FSIP1: variants seen among roughly 807,000 people sequenced by gnomAD.
FSIP1 encodes fibrous sheath-interacting protein 1.
FSIP1 carries 65 observed loss-of-function variants against 60.9 expected under a neutral mutation model. The ratio of observed to expected loss-of-function variants is 1.07; its 90% confidence interval spans 0.87 to 1.31. The LOEUF is 1.31. FSIP1 is among the 40% of genes most tolerant of loss of function. The pLI, the probability that FSIP1 is intolerant of heterozygous loss-of-function variation, is 0.00. For synonymous variants in FSIP1, 209 were observed against 221.2 expected (o/e 0.94, Z 0.49); for missense variants, 675 against 665.5 (o/e 1.01, Z -0.16).
chr15:39,776,564 C>T (rs1412781222), intron 1 of FSIP1, 33 bp from the exon 2 acceptor site: 35 of 1,521,490 alleles, frequency 2.3e-5, no homozygotes, highest in Admixed American at 3.7e-5. Flanking sequence ...TAATACCAAG[C>T]GACTCGGATA....
chr15:39,722,728 C>T (rs1436309147), intron 9 of FSIP1, among the ~76,000 whole-genome samples: 1 of 152,026 alleles, frequency 6.6e-6, no homozygotes, highest in Admixed American at 6.6e-5. Context: ...GCCAGGAGTT[C>T]AAGACCAGCC....
At chr15:39,775,492 G>A (rs1371446223) in intron 2 of FSIP1, among the ~76,000 whole-genome samples, 1 of 135,904 alleles carries the variant, frequency 7.4e-6, no homozygotes, top group African/African-American at 2.5e-5. Flanking sequence ...GATATTTTAA[G>A]GAAAAAAAAG....
chr15:39,654,258 A>G (rs2411311), intron 10 of FSIP1, among the ~76,000 whole-genome samples: 116,847 of 152,212 alleles, frequency 0.77, 45,933 homozygotes, highest in Non-Finnish European at 0.87. Context: ...TGTCAAGTAC[A>G]TACTATGCAT....
At chr15:39,713,302 C>T in intron 10 of FSIP1, 142 bp downstream of exon 10, 1 of 599,126 alleles carries the variant, frequency 1.7e-6, no homozygotes, top group East Asian at 3.2e-5. Context: ...TGCGGTGGCC[C>T]ACACCTGTAA....
At position 39,709,655 on chromosome 15, in the gene FSIP1, AGGGGGAGGGGT is replaced by A. The variant is rs141883863; in HGVS notation, c.1188+3778_1188+3788del. Among the ~76,000 whole-genome samples the A allele has an allele frequency of 9.3e-3, 1,415 of 151,470 alleles. 20 individuals are homozygous for A. The highest frequency in any genetic ancestry group is 0.032 in the African/African-American group (1,335 of 41,386). On this transcript the variant is annotated intron_variant, in intron 10 of 11. Coordinates refer to ENST00000350221, the MANE Select transcript of FSIP1 (RefSeq NM_152597.5). ...AGTGGTCCCCAACCCTTTAGGCAATAGGGGGAGGGGTGGGGGAGGGGTATGGTTTTTGGATG... is the reference window on the plus strand; with the variant it reads ...AGTGGTCCCCAACCCTTTAGGCAATAGGGGGAGGGGTATGGTTTTTGGATG...
chr15:39,661,879 T>G (rs942116134), intron 10 of FSIP1, among the ~76,000 whole-genome samples: 7 of 152,220 alleles, frequency 4.6e-5, no homozygotes, highest in Non-Finnish European at 1.0e-4. Context: ...AAATATTAGT[T>G]AATCAGCCAT....
intron 10 of FSIP1, among the ~76,000 whole-genome samples, chr15:39,647,224 G>C (rs1892654178): frequency 6.6e-6 from 1 of 152,142 alleles, no homozygotes; most frequent in African/African-American, 2.4e-5. Flanking sequence ...CCTTTTATTT[G>C]AGATTCTTGC....
At chr15:39,618,943 GA>G (rs202066191) in intron 10 of FSIP1, among the ~76,000 whole-genome samples, 4 of 150,736 alleles carry the variant, frequency 2.7e-5, no homozygotes, top group Admixed American at 6.6e-5. Flanking sequence ...GAAACACACT[GA>G]AAAAAAAATG....
chr15:39,602,991 G>T (rs1407815363), intron 11 of FSIP1, among the ~76,000 whole-genome samples: 1 of 152,102 alleles, frequency 6.6e-6, no homozygotes, highest in Non-Finnish European at 1.5e-5. Context: ...AACATTTTTT[G>T]CAATGTCTGG....
intron 10 of FSIP1, among the ~76,000 whole-genome samples, chr15:39,651,745 G>T (rs1220072810): frequency 6.6e-6 from 1 of 152,182 alleles, no homozygotes; most frequent in Non-Finnish European, 1.5e-5. Flanking sequence ...ACCTCACTTC[G>T]ATTTGAAAGC....
At chr15:39,766,452 A>G (rs1897692142) in intron 3 of FSIP1, among the ~76,000 whole-genome samples, 1 of 152,230 alleles carries the variant, frequency 6.6e-6, no homozygotes, top group Non-Finnish European at 1.5e-5. Context: ...TAAACTTTAT[A>G]TCATTTAATG....
intron 5 of FSIP1, among the ~76,000 whole-genome samples, chr15:39,755,295 G>A (rs1236607951): frequency 6.6e-6 from 1 of 152,168 alleles, no homozygotes; most frequent in African/African-American, 2.4e-5. Flanking sequence ...CAGAGAATAA[G>A]AGTACCTTCC....
rs57875760 is a variant in FSIP1, at chr15:39,762,442, A to C, written c.559+1379T>G. Among the ~76,000 whole-genome samples the C allele has an allele frequency of 7.2e-3, 1,098 of 152,222 alleles. 14 individuals are homozygous for C. The highest frequency in any genetic ancestry group is 0.025 in the African/African-American group (1,033 of 41,532). On this transcript the variant is annotated intron_variant, in intron 5 of 11. Coordinates refer to ENST00000350221, the MANE Select transcript of FSIP1 (RefSeq NM_152597.5). The stretch of plus-strand genomic sequence containing the variant: ...TTAAAGGCCCACCCTAATCCAATAG[A>C]CTTCATCTTAACTAAGTCTCTGCAA...
intron 1 of FSIP1, among the ~76,000 whole-genome samples, chr15:39,776,972 C>G (rs1424133813): frequency 1.3e-5 from 2 of 152,126 alleles, no homozygotes; most frequent in African/African-American, 2.4e-5. Flanking sequence ...GTCACCCAGG[C>G]TGGAGTGCAG....
rs202143597 is a variant in FSIP1, at chr15:39,617,895, A to G, written c.1539T>C (p.Val513=). 1 of 1,614,186 alleles carries G rather than the reference A, an allele frequency of 6.2e-7. No homozygotes were observed. The highest frequency in any genetic ancestry group is 8.5e-7 in the Non-Finnish European group (1 of 1,180,020). Reference sequence around the variant, plus strand: ...AATAGTCTTTTGTGTCACTAATAATAACGTCCTTGGAAAATTGAAGGCATT... The same window carrying G: ...AATAGTCTTTTGTGTCACTAATAATGACGTCCTTGGAAAATTGAAGGCATT... The part of the protein sequence containing the change: ...NMKCLQFSKD[V]IISDTKDYFM... The change falls in exon 11 of 12, where the codon GTT becomes GTC. Residue 513 remains valine, a synonymous_variant. Transcript: ENST00000350221.
chr15:39,715,665 ATC>A (rs1895710684), intron 9 of FSIP1, among the ~76,000 whole-genome samples: 1 of 152,106 alleles, frequency 6.6e-6, no homozygotes. Flanking sequence ...TATCGTTTGG[ATC>A]TCTGTCCCTA....
chr15:39,612,398 C>T (rs987409953), intron 11 of FSIP1, among the ~76,000 whole-genome samples: 2 of 151,908 alleles, frequency 1.3e-5, no homozygotes, highest in African/African-American at 4.8e-5. Context: ...CCTAAACAAA[C>T]AATAGGTCAG....
intron 2 of FSIP1, among the ~76,000 whole-genome samples, chr15:39,774,864 C>T (rs1595408409): frequency 6.6e-6 from 1 of 152,216 alleles, no homozygotes; most frequent in Non-Finnish European, 1.5e-5. Context: ...GAAGCAGCAG[C>T]AGCAACTTTC....
chr15:39,723,144 T>G (rs1176094719), intron 9 of FSIP1, among the ~76,000 whole-genome samples: 1 of 152,220 alleles, frequency 6.6e-6, no homozygotes, highest in East Asian at 1.9e-4. Context: ...TTACTATTAT[T>G]TTATAAATAA....
Sources: allele counts gnomAD v4.1 joint callset (sites outside exome capture counted in the v4.1 genomes callset), GRCh38; gene constraint gnomAD v4.1.1; transcripts MANE v1.5; gene names NCBI Gene and HGNC (gene_info 2026-07-23, HGNC 2026-07-21).